ANK2: variants seen among roughly 807,000 people sequenced by gnomAD.
ANK2 encodes ankyrin-2.
ANK2 carries 83 observed loss-of-function variants against 360.5 expected under a neutral mutation model. The observed-to-expected ratio is 0.23, with a 90% confidence interval of 0.19 to 0.28. The LOEUF (loss-of-function observed/expected upper bound fraction) is 0.28. Ranked by LOEUF, ANK2 falls within the 10% of genes least tolerant of loss-of-function variation. The probability of loss-of-function intolerance (pLI) is 1.00; values close to 1 mark genes in which losing one functional copy is unlikely to be tolerated. For synonymous variants in ANK2, 1,740 were observed against 1,759.5 expected (o/e 0.99, Z 0.28); for missense variants, 4,201 against 4,795.7 (o/e 0.88, Z 3.66).
intron 1 of ANK2, among the ~76,000 whole-genome samples, chr4:113,161,662 A>G (rs1235850869): frequency 6.6e-6 from 1 of 151,328 alleles, no homozygotes; most frequent in Non-Finnish European, 1.5e-5. Context: ...TGAGCTCATG[A>G]GAAAACTCCT....
At chr4:112,822,253 A>C (rs1263045919) in intron 1 of ANK2, among the ~76,000 whole-genome samples, 3 of 149,658 alleles carry the variant, frequency 2.0e-5, no homozygotes, top group East Asian at 1.9e-4. Flanking sequence ...AAAAAAAAAA[A>C]AAAAAAAAAC....
At chr4:113,181,773 A>C (rs10012958) in intron 2 of ANK2, among the ~76,000 whole-genome samples, 53,905 of 151,948 alleles carry the variant, frequency 0.35, 9,997 homozygotes, top group African/African-American at 0.46. Flanking sequence ...TGGCATGTTC[A>C]AGGGCCAGCA....
At chr4:113,035,825 C>T (rs905936600) in intron 2 of ANK2, among the ~76,000 whole-genome samples, 11 of 151,752 alleles carry the variant, frequency 7.2e-5, no homozygotes, top group African/African-American at 2.4e-4. Context: ...AAAGGAAAAA[C>T]AAAATGTTTT....
At chr4:113,338,543 CTTT>C (rs71582166) in intron 31 of ANK2, among the ~76,000 whole-genome samples, 3 of 96,118 alleles carry the variant, frequency 3.1e-5, no homozygotes, top group African/African-American at 4.8e-5. Context: ...AGATTGTTCA[CTTT>C]TTTTTTTTTT....
At chr4:113,341,350 G>A (rs921478800) in intron 32 of ANK2, among the ~76,000 whole-genome samples, 1 of 152,128 alleles carries the variant, frequency 6.6e-6, no homozygotes, top group Non-Finnish European at 1.5e-5. Context: ...CTCCACTAAA[G>A]GATTCCAAAA....
chr4:113,102,718 T>C (rs1037464320), intron 1 of ANK2, among the ~76,000 whole-genome samples: 2 of 152,150 alleles, frequency 1.3e-5, no homozygotes, highest in African/African-American at 2.4e-5. Context: ...GACTGTCAAA[T>C]CTCTATGAGA....
Position 113,293,525 on chromosome 4 carries a change from C to T in ANK2, c.2462C>T (p.Thr821Ile), listed in dbSNP as rs1248936595. ...DTLKVVTEEV[T>I]TTTTTITEKH... ...CTGAAGGTTGTGACTGAGGAGGTCA[C>T]CACCACCACCACAGTGAGTATGAGT... Residue 821 changes from threonine (T) to isoleucine (I), a missense_variant, in exon 22 of 46, where the codon ACC (threonine) becomes ATC (isoleucine). Around this residue, in one of 4 missense-constraint regions of ANK2, gnomAD observed 1,268 missense variants for 1,650.8 expected, o/e 0.77. Transcript: ENST00000357077. 1 of 1,606,510 alleles carries T rather than the reference C, an allele frequency of 6.2e-7. No homozygotes were observed. The highest frequency in any genetic ancestry group is 8.5e-7 in the Non-Finnish European group (1 of 1,174,960).
the ANK2 span, among the ~76,000 whole-genome samples, chr4:112,761,347 AC>A: frequency 6.6e-6 from 1 of 151,968 alleles, no homozygotes; most frequent in Non-Finnish European, 1.5e-5. Flanking sequence ...CTCGCCTGGC[AC>A]CGTGGCTCAT....
At position 113,106,953 on chromosome 4, in the gene ANK2, A is replaced by C. The variant is rs751067547; in HGVS notation, c.84+57141A>C. 3 of 530,734 alleles carry C rather than the reference A, an allele frequency of 5.7e-6. No homozygotes were observed. The African/African-American group carries it at 5.8e-5, about 10-fold the overall frequency. 32.9% of individuals were successfully genotyped at this position (530,734 alleles called of 1,614,324 possible). A position where few individuals can be genotyped will look rare whatever the true frequency, so the allele number is the denominator to read the frequency against. On this transcript the variant is annotated intron_variant, in intron 1 of 45. Coordinates refer to ENST00000357077, the MANE Select transcript of ANK2 (RefSeq NM_001148.6). The stretch of plus-strand genomic sequence containing the variant: ...TGGTAATAAATCTATTTTTAAAAGA[A>C]CCTATTACAGAGACTTCCATTTGGA...
At chr4:112,800,951 G>A in the ANK2 span, among the ~76,000 whole-genome samples, 3 of 152,150 alleles carry the variant, frequency 2.0e-5, no homozygotes, top group Non-Finnish European at 4.4e-5. Flanking sequence ...CACTGCACCC[G>A]GCTGGCTTTT....
the ANK2 span, among the ~76,000 whole-genome samples, chr4:112,804,544 T>G: frequency 1.3e-5 from 2 of 152,246 alleles, no homozygotes; most frequent in African/African-American, 4.8e-5. Context: ...ACAATGTAAC[T>G]CATTGAGGGA....
intron 1 of ANK2, among the ~76,000 whole-genome samples, chr4:113,154,159 G>A (rs1472640387): frequency 6.6e-6 from 1 of 152,176 alleles, no homozygotes. Context: ...CATTTCATAT[G>A]CATCACCTTA....
At chr4:113,045,135 C>T (rs2154317414), upstream of ANK2, among the ~76,000 whole-genome samples, 1 of 152,228 alleles carries the variant, frequency 6.6e-6, no homozygotes, top group Middle Eastern at 3.4e-3. Context: ...TTACCTCACT[C>T]AAATAATGTT....
In ANK2 at chr4:113,358,347, C is replaced by G; in HGVS notation, c.9729C>G (p.Ser3243=). The change falls in exon 38 of 46, where the codon TCC becomes TCG. Residue 3243 remains serine (S), a synonymous_variant. Transcript: ENST00000357077. ...CTCTCTCTGGTGTAAAGCAGATATC[C>G]TGCCCCGACTCTTCTGAACCAGCTG... ...IPPLSGVKQI[S]CPDSSEPAVQ... is the part of the protein sequence containing the mutation. The G allele has an allele frequency of 6.2e-7, 1 of 1,613,990 alleles. No individual in the cohort carries two copies. The highest frequency in any genetic ancestry group is 8.5e-7 in the Non-Finnish European group (1 of 1,179,902).
Position 113,318,409 on chromosome 4 carries a change from T to C in ANK2, c.2797-108T>C, listed in dbSNP as rs2084097325. On this transcript the variant is annotated intron_variant, in intron 25 of 45. Coordinates refer to ENST00000357077, the MANE Select transcript of ANK2 (RefSeq NM_001148.6). ...TTGGTTTTATATTTTAAGTGTAAGT[T>C]TTTCTAGGTTATACCACTTTCCAGT... 1.7e-5 allele frequency: 15 copies of C among 858,314 alleles called. No individual in the cohort carries two copies. The South Asian group carries it at 1.9e-4, about 11-fold the overall frequency. The allele number at this position is 858,314 out of a possible 1,614,324, so 53.2% of individuals were successfully genotyped here.
At chr4:113,269,603 A>G (rs1288707362) in intron 14 of ANK2, among the ~76,000 whole-genome samples, 2 of 152,154 alleles carry the variant, frequency 1.3e-5, no homozygotes, top group African/African-American at 4.8e-5. Context: ...CATGGGCTGC[A>G]CCCACTGTCT....
At chr4:113,114,192 T>G (rs568872559) in intron 1 of ANK2, among the ~76,000 whole-genome samples, 11 of 152,240 alleles carry the variant, frequency 7.2e-5, no homozygotes, top group African/African-American at 2.6e-4. Flanking sequence ...GGGTTCCTTT[T>G]CCGAGGTGAG....
At chr4:113,024,728 T>A (rs2058890285) in intron 2 of ANK2, among the ~76,000 whole-genome samples, 1 of 152,296 alleles carries the variant, frequency 6.6e-6, no homozygotes, top group East Asian at 1.9e-4. Flanking sequence ...GAGCATACAA[T>A]GAATGCTATA....
intron 4 of ANK2, among the ~76,000 whole-genome samples, chr4:113,219,628 T>C (rs934896171): frequency 6.6e-6 from 1 of 152,156 alleles, no homozygotes; most frequent in Admixed American, 6.5e-5. Context: ...CTGAAAATGA[T>C]CCACCTGCTT....
Sources: gnomAD v4.1 joint callset for allele counts (sites outside exome capture counted in the v4.1 genomes callset) on GRCh38, gnomAD v4.1.1 for gene constraint, gnomAD v4.1.1 regional missense constraint, MANE v1.5 for transcripts, NCBI Gene and HGNC (gene_info 2026-07-23, HGNC 2026-07-21) for gene names.